Variants in RFC1 observed in about 807,000 individuals in gnomAD.
The protein encoded by RFC1 is A1 140 kDa subunit.
A neutral mutation model predicts 137.4 loss-of-function variants in RFC1; 37 were observed. That is an observed-to-expected ratio of 0.27 (90% confidence interval 0.21 to 0.35). The LOEUF is 0.35. RFC1 is among the 10% of genes least tolerant of loss of function. The probability of loss-of-function intolerance (pLI) is 1.00; values close to 1 mark genes in which losing one functional copy is unlikely to be tolerated. For synonymous variants in RFC1, 429 were observed against 455.7 expected (o/e 0.94, Z 0.75); for missense variants, 1,205 against 1,358.5 (o/e 0.89, Z 1.78).
At chr4:39,348,579 T>A (rs1418824053) in intron 2 of RFC1, among the ~76,000 whole-genome samples, 1 of 151,426 alleles carries the variant, frequency 6.6e-6, no homozygotes, top group African/African-American at 2.4e-5. Context: ...CAGTTTGAAT[T>A]GAAGAGGATG....
intron 6 of RFC1, among the ~76,000 whole-genome samples, chr4:39,324,606 T>G (rs1739671849): frequency 6.6e-6 from 1 of 152,176 alleles, no homozygotes; most frequent in Non-Finnish European, 1.5e-5. Context: ...ATGTGAACAA[T>G]CACAATATTG....
intron 22 of RFC1, among the ~76,000 whole-genome samples, chr4:39,294,118 T>C (rs1244516810): frequency 2.6e-5 from 4 of 152,164 alleles, no homozygotes; most frequent in East Asian, 1.9e-4. Flanking sequence ...CTTGATAAAT[T>C]TGTGTTGTTT....
intron 15 of RFC1, among the ~76,000 whole-genome samples, chr4:39,304,589 T>C (rs1262137574): frequency 2.0e-5 from 3 of 152,190 alleles, no homozygotes; most frequent in Non-Finnish European, 4.4e-5. Flanking sequence ...AAAACGAATA[T>C]GTGCATGTAC....
intron 1 of RFC1, among the ~76,000 whole-genome samples, chr4:39,354,244 T>C (rs1741348943): frequency 6.6e-6 from 1 of 152,222 alleles, no homozygotes; most frequent in Admixed American, 6.5e-5. Context: ...TCATACTTTT[T>C]TAGAACTATC....
chr4:39,305,064 C>T, intron 14 of RFC1, 136 bp from the exon 15 acceptor site: 1 of 665,176 alleles, frequency 1.5e-6, no homozygotes, highest in Non-Finnish European at 2.7e-6. Context: ...AAGTATGATA[C>T]TAACAGACAA....
rs941675572 is a variant in RFC1, at chr4:39,311,341, A to T, written c.1488+104T>A. 1.3e-5 allele frequency: 11 copies of T among 842,466 alleles called. No homozygotes were observed. In the African/African-American group the frequency reaches 1.9e-4, roughly 14 times the overall value. The allele number at this position is 842,466 out of a possible 1,614,324, so 52.2% of individuals were successfully genotyped here. A position where few individuals can be genotyped will look rare whatever the true frequency, so the allele number is the denominator to read the frequency against. On this transcript the variant is annotated intron_variant, in intron 12 of 24. Transcript: ENST00000349703. The stretch of plus-strand genomic sequence containing the variant: ...GGTGGTCCATTTGTGGTAGACAGGG[A>T]TGTTAATCTTTCAGCCAACAAGCCT...
chr4:39,330,924 T>A (rs528759060), intron 4 of RFC1, among the ~76,000 whole-genome samples: 1 of 151,366 alleles, frequency 6.6e-6, no homozygotes, highest in African/African-American at 2.4e-5. Flanking sequence ...CACACACACA[T>A]ATATATATAT....
intron 4 of RFC1, among the ~76,000 whole-genome samples, chr4:39,338,058 T>TA (rs763649213): frequency 1.1e-4 from 17 of 152,232 alleles, no homozygotes; most frequent in Non-Finnish European, 2.4e-4. Flanking sequence ...CTCACTTCAT[T>TA]AAACAGCTAA....
chr4:39,307,653 T>C (rs1410055007), intron 13 of RFC1, among the ~76,000 whole-genome samples: 2 of 151,890 alleles, frequency 1.3e-5, no homozygotes, highest in Non-Finnish European at 2.9e-5. Context: ...GAAGCAGAGG[T>C]TGCAGTGAGC....
At chr4:39,366,198 C>A (rs1742018806) in intron 1 of RFC1, 41 bp downstream of exon 1, 2 of 1,550,088 alleles carry the variant, frequency 1.3e-6, no homozygotes, top group Non-Finnish European at 1.7e-6. Context: ...CTGCAAAGCC[C>A]CCCCAGACCC....
At chr4:39,296,409 C>A (rs1266996082) in intron 21 of RFC1, among the ~76,000 whole-genome samples, 3 of 100,998 alleles carry the variant, frequency 3.0e-5, no homozygotes, top group Middle Eastern at 4.8e-3. Flanking sequence ...CCCCTCCCCC[C>A]ACCCCACCAC....
At position 39,312,858 on chromosome 4, in the gene RFC1, G is replaced by A. The variant is rs145113928; in HGVS notation, c.1277C>T (p.Ala426Val). The change falls in exon 11 of 25, where the codon GCC becomes GTC. Residue 426 changes from alanine (A) to valine (V), a missense_variant. Ala to Val is a moderately conservative substitution (Grantham distance 64, BLOSUM62 0). Transcript: ENST00000349703. ...CCCATAACGTTCAATTAGAGACTTGGCCTCATCTCGTTCAATAGACTCCAG... is the reference window on the plus strand; with the variant it reads ...CCCATAACGTTCAATTAGAGACTTGACCTCATCTCGTTCAATAGACTCCAG... ...GVLESIERDE[A>V]KSLIERYGGK... is the part of the protein sequence containing the mutation. The A allele has an allele frequency of 5.9e-5, 96 of 1,613,856 alleles. No individual in the cohort carries two copies. The African/African-American group carries it at 1.2e-3, about 20-fold the overall frequency.
At chr4:39,299,103 A>G (rs1034699733) in intron 21 of RFC1, among the ~76,000 whole-genome samples, 1 of 152,250 alleles carries the variant, frequency 6.6e-6, no homozygotes, top group Non-Finnish European at 1.5e-5. Context: ...GCATTCTTAA[A>G]CCACAAACAA....
Position 39,302,344 on chromosome 4 carries a change from T to C in RFC1, c.2469A>G (p.Arg823=), listed in dbSNP as rs746104505. 6.2e-7 allele frequency: 1 copy of C among 1,613,324 alleles called. No individual in the cohort carries two copies. The highest frequency in any genetic ancestry group is 8.5e-7 in the Non-Finnish European group (1 of 1,179,274). ...VLHNLSMWCA[R]SKALTYDQAK... ...CCTGGTCATAGGTTAATGCTTTACT[T>C]CGTGCACACCACATACTCAGATTAT... The change falls in exon 19 of 25, where the codon CGA becomes CGG. Residue 823 remains arginine, a synonymous_variant. Coordinates refer to ENST00000349703, the MANE Select transcript of RFC1 (RefSeq NM_002913.5).
intron 1 of RFC1, among the ~76,000 whole-genome samples, chr4:39,359,497 A>G (rs1010935629): frequency 2.6e-5 from 4 of 152,208 alleles, no homozygotes; most frequent in Admixed American, 6.5e-5. Flanking sequence ...TCACTCACCC[A>G]TAAGTGGGAG....
intron 1 of RFC1, among the ~76,000 whole-genome samples, chr4:39,361,860 C>T (rs1242273446): frequency 1.3e-5 from 2 of 152,082 alleles, no homozygotes; most frequent in Non-Finnish European, 2.9e-5. Flanking sequence ...CATGGTAAAA[C>T]CCCATCTCTA....
intron 6 of RFC1, 147 bp downstream of exon 6, chr4:39,326,416 A>C: frequency 1.7e-6 from 1 of 586,102 alleles, no homozygotes; most frequent in Non-Finnish European, 3.0e-6. Context: ...CTCATCATTT[A>C]TCTTGTATAG....
chr4:39,324,392 AC>A (rs1250170232), intron 6 of RFC1, among the ~76,000 whole-genome samples: 1 of 152,216 alleles, frequency 6.6e-6, no homozygotes, highest in African/African-American at 2.4e-5. Flanking sequence ...AAAGTACCAC[AC>A]CTGGTTTGGA....
Position 39,308,753 on chromosome 4 carries a change from A to G in RFC1, c.1768T>C (p.Tyr590His). 1 of 1,614,126 alleles carries G rather than the reference A, an allele frequency of 6.2e-7. No individual in the cohort carries two copies. Among genetic ancestry groups the G allele is most frequent in the South Asian group, 1.1e-5 (1 of 91,080 alleles). ...ATGGTCTTGAGCGAGGTTGGCTTAT[A>G]TTTATCCACCCAGAGCAAATTTTCC... is the stretch of plus-strand genomic sequence containing the variant. ...KVENLLWVDK[Y>H]KPTSLKTIIG... is the part of the protein sequence containing the mutation. The change falls in exon 13 of 25, where the codon TAT (tyrosine) becomes CAT (histidine). Residue 590 changes from tyrosine (Y) to histidine (H), a missense_variant. By Grantham distance (83) the Tyr-to-His change is moderately conservative (BLOSUM62 2). This residue lies in a region of RFC1 where 962 missense variants were observed against 1,035.3 expected (regional missense o/e 0.93). Coordinates refer to ENST00000349703, the MANE Select transcript of RFC1 (RefSeq NM_002913.5).
Sources: gnomAD v4.1 joint callset for allele counts (sites outside exome capture counted in the v4.1 genomes callset) on GRCh38, gnomAD v4.1.1 for gene constraint, gnomAD v4.1.1 regional missense constraint, MANE v1.5 for transcripts, NCBI Gene and HGNC (gene_info 2026-07-23, HGNC 2026-07-21) for gene names.